Variants in MACROD2 observed in about 807,000 individuals in gnomAD.
The protein encoded by MACROD2 is mono-ADP ribosylhydrolase 2.
Under a neutral mutation model 70.4 loss-of-function variants are expected in MACROD2, and 36 were observed. That is an observed-to-expected ratio of 0.51 (90% CI 0.39 to 0.68). The LOEUF is 0.68. Ranked by LOEUF, MACROD2 falls within the 30% of genes least tolerant of loss-of-function variation. MACROD2 has a pLI of 0.00. For synonymous variants in MACROD2, 172 were observed against 178.8 expected, an observed-to-expected ratio of 0.96 and a Z score of 0.30; for missense variants, 496 against 538.4, an observed-to-expected ratio of 0.92 and a Z score of 0.78.
chr20:14,856,462 T>C (rs1401774298), intron 5 of MACROD2, among the ~76,000 whole-genome samples: 2 of 152,318 alleles, frequency 1.3e-5, no homozygotes, highest in African/African-American at 2.4e-5. Flanking sequence ...ACACGCCCTA[T>C]TGAATTTGTG....
In MACROD2 at chr20:14,206,059, A is replaced by G. The variant is rs553128770; in HGVS notation, c.271+120331A>G. ...TAATGTGTAGCATTGGTTCTCCATC[A>G]GGGGCAATTTTGTCCCCCTAGGGGA... On this transcript the variant is annotated intron_variant, in intron 3 of 17. Transcript: ENST00000684519. 8.1e-4 allele frequency among the ~76,000 whole-genome samples: 123 copies of G among 152,284 alleles called. 1 individual carries two copies. Among genetic ancestry groups the G allele is most frequent in the African/African-American group, 2.8e-3 (115 of 41,564 alleles).
chr20:15,642,312 GAACA>G (rs1378365442), intron 8 of MACROD2, among the ~76,000 whole-genome samples: 1 of 152,150 alleles, frequency 6.6e-6, no homozygotes, highest in African/African-American at 2.4e-5. Flanking sequence ...AGGAACGCTT[GAACA>G]AACAATTACA....
chr20:14,503,156 G>GT (rs2084932327), intron 4 of MACROD2, among the ~76,000 whole-genome samples: 1 of 152,192 alleles, frequency 6.6e-6, no homozygotes, highest in African/African-American at 2.4e-5. Context: ...ACAGAATAGA[G>GT]TTAATGGCCC....
chr20:15,062,527 C>T (rs1301764781), intron 5 of MACROD2, among the ~76,000 whole-genome samples: 1 of 151,338 alleles, frequency 6.6e-6, no homozygotes, highest in Non-Finnish European at 1.5e-5. Flanking sequence ...ATCATGATAC[C>T]TGTAAAAAAA....
intron 5 of MACROD2, among the ~76,000 whole-genome samples, chr20:15,120,326 T>A (rs1257741995): frequency 6.6e-6 from 1 of 152,216 alleles, no homozygotes; most frequent in African/African-American, 2.4e-5. Context: ...ACACATTTTC[T>A]TTCATGGGAG....
At chr20:16,038,771 G>A (rs1027449730) in intron 15 of MACROD2, among the ~76,000 whole-genome samples, 2 of 151,746 alleles carry the variant, frequency 1.3e-5, no homozygotes, top group East Asian at 1.9e-4. Context: ...GGTAATTTTC[G>A]CATTGAATTC....
chr20:15,363,019 G>A (rs1361910926), intron 6 of MACROD2, among the ~76,000 whole-genome samples: 2 of 151,808 alleles, frequency 1.3e-5, no homozygotes, highest in African/African-American at 4.8e-5. Flanking sequence ...AAGGGAGAAA[G>A]GGAGGAAGGG....
At chr20:14,404,580 A>G (rs2083673121) in intron 3 of MACROD2, among the ~76,000 whole-genome samples, 1 of 142,908 alleles carries the variant, frequency 7.0e-6, no homozygotes, top group Non-Finnish European at 1.5e-5. Flanking sequence ...CGGGGTGACA[A>G]AGTGAGACCC....
chr20:15,670,100 T>C (rs2049958843), intron 8 of MACROD2, among the ~76,000 whole-genome samples: 1 of 152,214 alleles, frequency 6.6e-6, no homozygotes, highest in African/African-American at 2.4e-5. Flanking sequence ...GTAGGTAATA[T>C]GTAGTACCTT....
chr20:14,311,744 C>A (rs971409810), intron 3 of MACROD2, among the ~76,000 whole-genome samples: 1 of 152,020 alleles, frequency 6.6e-6, no homozygotes, highest in African/African-American at 2.4e-5. Context: ...TGTTGAACTC[C>A]TGACCTCAAA....
chr20:14,407,412 C>T (rs1432436928), intron 3 of MACROD2, among the ~76,000 whole-genome samples: 1 of 152,010 alleles, frequency 6.6e-6, no homozygotes, highest in Middle Eastern at 3.2e-3. Context: ...TTCTCTCTCT[C>T]TCTCCCACTC....
chr20:14,878,305 A>G (rs1221702657), intron 5 of MACROD2, among the ~76,000 whole-genome samples: 1 of 152,152 alleles, frequency 6.6e-6, no homozygotes, highest in Non-Finnish European at 1.5e-5. Flanking sequence ...ACGCAAAGGT[A>G]GAATCTGAGA....
chr20:15,283,200 G>T (rs1039774281), intron 6 of MACROD2, among the ~76,000 whole-genome samples: 8 of 152,154 alleles, frequency 5.3e-5, no homozygotes, highest in African/African-American at 1.9e-4. Context: ...TTTGGGTGGG[G>T]ACACAGAGCC....
At chr20:15,175,837 C>T (rs897892293) in intron 5 of MACROD2, among the ~76,000 whole-genome samples, 3 of 152,206 alleles carry the variant, frequency 2.0e-5, no homozygotes, top group African/African-American at 7.2e-5. Flanking sequence ...GGGCCAGGAA[C>T]AGGCGGGAGC....
At chr20:15,163,828 G>T (rs2076364487) in intron 5 of MACROD2, among the ~76,000 whole-genome samples, 1 of 151,852 alleles carries the variant, frequency 6.6e-6, no homozygotes, top group Non-Finnish European at 1.5e-5. Flanking sequence ...CATGTTATAG[G>T]CCATAGAGAA....
chr20:14,383,615 T>G (rs1183366674), intron 3 of MACROD2, among the ~76,000 whole-genome samples: 1 of 152,192 alleles, frequency 6.6e-6, no homozygotes, highest in African/African-American at 2.4e-5. Flanking sequence ...GCTATGTAAA[T>G]CAGTTTGCCT....
At chr20:14,970,564 A>G (rs2074681440) in intron 5 of MACROD2, among the ~76,000 whole-genome samples, 1 of 152,210 alleles carries the variant, frequency 6.6e-6, no homozygotes, top group Non-Finnish European at 1.5e-5. Flanking sequence ...TTGTATTCAT[A>G]TTCATGTTGT....
At chr20:14,479,357 C>G (rs1484207802) in intron 3 of MACROD2, among the ~76,000 whole-genome samples, 1 of 152,044 alleles carries the variant, frequency 6.6e-6, no homozygotes, top group Non-Finnish European at 1.5e-5. Context: ...AGTCTCAGAC[C>G]CTGTTGAGAA....
At chr20:15,941,161 A>G (rs2065746493) in intron 12 of MACROD2, among the ~76,000 whole-genome samples, 1 of 152,180 alleles carries the variant, frequency 6.6e-6, no homozygotes, top group Non-Finnish European at 1.5e-5. Flanking sequence ...TAATGATGGT[A>G]ACTCCATGAA....
Sources: gnomAD v4.1 joint callset for allele counts (sites outside exome capture counted in the v4.1 genomes callset) on GRCh38, gnomAD v4.1.1 for gene constraint, MANE v1.5 for transcripts, NCBI Gene and HGNC (gene_info 2026-07-23, HGNC 2026-07-21) for gene names.